RCBTB1: variants seen among roughly 807,000 people sequenced by gnomAD.
RCBTB1 encodes RCC1 and BTB domain-containing protein 1.
Under a neutral mutation model 62.4 loss-of-function variants are expected in RCBTB1, and 46 were observed. The ratio of observed to expected loss-of-function variants is 0.74; its 90% CI spans 0.58 to 0.94. The LOEUF (loss-of-function observed/expected upper bound fraction) is 0.94. Among genes scored for constraint, RCBTB1 ranks in the 40% least tolerant of loss-of-function variants. The pLI is 0.00. For missense variants in RCBTB1, 565 were observed against 654.9 expected (o/e 0.86, Z 1.50); for synonymous variants, 222 against 245.8 (o/e 0.90, Z 0.91).
At chr13:49,550,881 C>T (rs1219258246) in intron 8 of RCBTB1, among the ~76,000 whole-genome samples, 1 of 152,138 alleles carries the variant, frequency 6.6e-6, no homozygotes, top group East Asian at 1.9e-4. Context: ...GTGGGTAGAT[C>T]ACTTGAGGCC....
At chr13:49,566,077 G>C (rs1362032280) in intron 4 of RCBTB1, among the ~76,000 whole-genome samples, 3 of 150,386 alleles carry the variant, frequency 2.0e-5, no homozygotes, top group Non-Finnish European at 4.4e-5. Flanking sequence ...CTCGTTAAGA[G>C]TCATCACCAC....
intron 6 of RCBTB1, among the ~76,000 whole-genome samples, chr13:49,554,195 CA>C (rs1420584499): frequency 6.6e-5 from 10 of 152,060 alleles, no homozygotes; most frequent in Non-Finnish European, 5.9e-5. Flanking sequence ...TAATTATACT[CA>C]CCCATATATA....
chr13:49,535,049 T>A (rs796436521), intron 12 of RCBTB1, among the ~76,000 whole-genome samples: 15 of 152,182 alleles, frequency 9.9e-5, no homozygotes, highest in African/African-American at 3.4e-4. Context: ...TCCCAAAAAA[T>A]TCACCTTAAA....
intron 5 of RCBTB1, 126 bp downstream of exon 5, chr13:49,559,792 C>T (rs1385599161): frequency 2.6e-6 from 2 of 780,762 alleles, no homozygotes; most frequent in Non-Finnish European, 3.9e-6. Flanking sequence ...AGTTGTATGA[C>T]AAGGTGAACA....
At chr13:49,570,976 C>T (rs1963357006) in intron 2 of RCBTB1, among the ~76,000 whole-genome samples, 1 of 152,178 alleles carries the variant, frequency 6.6e-6, no homozygotes, top group African/African-American at 2.4e-5. Flanking sequence ...CAGTGAACTT[C>T]CTAAAGTCAC....
chr13:49,541,515 A>C (rs1049833072), intron 11 of RCBTB1, among the ~76,000 whole-genome samples, 161 bp downstream of exon 11: 3 of 152,216 alleles, frequency 2.0e-5, no homozygotes, highest in Non-Finnish European at 4.4e-5. Context: ...TATTAACCAT[A>C]ATAACTACAC....
At chr13:49,536,539 T>C (rs1959957364) in intron 12 of RCBTB1, among the ~76,000 whole-genome samples, 1 of 152,214 alleles carries the variant, frequency 6.6e-6, no homozygotes, top group Non-Finnish European at 1.5e-5. Flanking sequence ...CCTGTCCAAG[T>C]GAGAAGTCAA....
intron 8 of RCBTB1, 34 bp from the exon 9 acceptor site, chr13:49,549,682 A>G (rs1014244405): frequency 3.7e-5 from 59 of 1,581,208 alleles, no homozygotes; most frequent in Non-Finnish European, 4.8e-5. Context: ...ATGTTACTTC[A>G]TGATCACAGA....
At chr13:49,534,506 A>G (rs911927767) in intron 12 of RCBTB1, among the ~76,000 whole-genome samples, 3 of 151,234 alleles carry the variant, frequency 2.0e-5, no homozygotes, top group African/African-American at 7.3e-5. Flanking sequence ...CAAAACACAC[A>G]CGCGCGCGCA....
rs777802605 is a variant in RCBTB1 at position 49,549,545 on chromosome 13, G to A, written c.958C>T (p.Leu320Phe). Residue 320 changes from leucine (L) to phenylalanine (F), a missense_variant, in exon 9 of 13, where the codon CTC becomes TTC. Physicochemically the swap from Leu to Phe is conservative, Grantham distance 22 (BLOSUM62 0). Coordinates refer to ENST00000378302, the MANE Select transcript of RCBTB1 (RefSeq NM_018191.4). ...CAGGAGAAGTGGGTGAGGTGCGGGAGGATCACGGACTGACCCCGGCACTGG... is the reference window on the plus strand; with the variant it reads ...CAGGAGAAGTGGGTGAGGTGCGGGAAGATCACGGACTGACCCCGGCACTGG... ...WGQCRGQSVI[L>F]PHLTHFSCTD... 5 of 1,614,024 alleles carry A rather than the reference G, an allele frequency of 3.1e-6. No individual in the cohort carries two copies. The highest frequency in any genetic ancestry group is 1.7e-5 in the Admixed American group (1 of 60,006).
At chr13:49,574,077 C>T (rs1033804854) in intron 2 of RCBTB1, among the ~76,000 whole-genome samples, 1 of 150,972 alleles carries the variant, frequency 6.6e-6, no homozygotes, top group Non-Finnish European at 1.5e-5. Flanking sequence ...AGCCACCACA[C>T]CTGGCCTTCT....
chr13:49,565,028 C>T (rs1962811269), intron 4 of RCBTB1, among the ~76,000 whole-genome samples: 1 of 152,194 alleles, frequency 6.6e-6, no homozygotes, highest in Non-Finnish European at 1.5e-5. Flanking sequence ...CTCCCGCTCC[C>T]TCTCCCTCTC....
At chr13:49,535,797 G>A (rs1226649029) in intron 12 of RCBTB1, among the ~76,000 whole-genome samples, 2 of 152,078 alleles carry the variant, frequency 1.3e-5, no homozygotes, top group Non-Finnish European at 2.9e-5. Context: ...GGCTGATGCG[G>A]GCAGATCACG....
intron 1 of RCBTB1, among the ~76,000 whole-genome samples, chr13:49,584,130 C>T (rs146720001): frequency 4.6e-5 from 7 of 152,328 alleles, no homozygotes; most frequent in African/African-American, 1.4e-4. Flanking sequence ...CTGCAGCATA[C>T]GGGCACGCTT....
At chr13:49,535,443 T>C (rs980014706) in intron 12 of RCBTB1, among the ~76,000 whole-genome samples, 9 of 152,310 alleles carry the variant, frequency 5.9e-5, no homozygotes, top group Admixed American at 2.6e-4. Context: ...AGCTTGACTT[T>C]ATTACAACTT....
intron 9 of RCBTB1, among the ~76,000 whole-genome samples, chr13:49,548,118 G>T (rs576811245): frequency 6.6e-6 from 1 of 152,048 alleles, no homozygotes; most frequent in African/African-American, 2.4e-5. Context: ...TGGACCAGGC[G>T]CAGTGGCTCA....
At chr13:49,559,404 C>G (rs139918478) in intron 5 of RCBTB1, among the ~76,000 whole-genome samples, 1 of 152,106 alleles carries the variant, frequency 6.6e-6, no homozygotes, top group African/African-American at 2.4e-5. Context: ...CGCCTGTAAT[C>G]CCAGCACTTT....
intron 4 of RCBTB1, among the ~76,000 whole-genome samples, chr13:49,564,405 T>C (rs1962727865): frequency 1.3e-5 from 2 of 150,538 alleles, no homozygotes; most frequent in African/African-American, 2.5e-5. Context: ...GCCAATATGA[T>C]GAAACCCAGT....
At chr13:49,581,073 A>T (rs895106781) in intron 1 of RCBTB1, among the ~76,000 whole-genome samples, 1 of 152,196 alleles carries the variant, frequency 6.6e-6, no homozygotes, top group Admixed American at 6.5e-5. Flanking sequence ...GCATGGCTGC[A>T]GCCAAACAAC....
Sources: allele counts gnomAD v4.1 joint callset (sites outside exome capture counted in the v4.1 genomes callset), GRCh38; gene constraint gnomAD v4.1.1; transcripts MANE v1.5; gene names NCBI Gene and HGNC (gene_info 2026-07-23, HGNC 2026-07-21).